GPHN: variants seen among roughly 807,000 people sequenced by gnomAD.
GPHN encodes gephyrin.
A neutral mutation model predicts 95.5 loss-of-function variants in GPHN; 17 were observed. The ratio of observed to expected loss-of-function variants is 0.18; its 90% CI spans 0.12 to 0.27. The LOEUF is 0.27. GPHN is among the 10% of genes least tolerant of loss of function. GPHN has a pLI of 1.00. For synonymous variants in GPHN, 320 were observed against 322.5 expected, an observed-to-expected ratio of 0.99 and a Z score of 0.08; for missense variants, 660 against 978.1, an observed-to-expected ratio of 0.67 and a Z score of 4.34.
At chr14:66,643,278 A>G (rs1317212965) in intron 1 of GPHN, among the ~76,000 whole-genome samples, 1 of 152,090 alleles carries the variant, frequency 6.6e-6, no homozygotes, top group African/African-American at 2.4e-5. Context: ...GAAGTTGTAT[A>G]GTTGGATATC....
At chr14:66,918,261 G>A (rs1292671491) in intron 6 of GPHN, among the ~76,000 whole-genome samples, 1 of 152,170 alleles carries the variant, frequency 6.6e-6, no homozygotes, top group Admixed American at 6.5e-5. Context: ...GCGTCAATCT[G>A]TGATACCACA....
At chr14:67,723,525 G>A in the GPHN span, among the ~76,000 whole-genome samples, 3 of 152,162 alleles carry the variant, frequency 2.0e-5, no homozygotes, top group Non-Finnish European at 4.4e-5. Flanking sequence ...ATGAGCCACT[G>A]GGCTCAGCCT....
intron 10 of GPHN, among the ~76,000 whole-genome samples, chr14:67,056,093 T>C (rs1232822702): frequency 6.6e-6 from 1 of 152,212 alleles, no homozygotes; most frequent in Non-Finnish European, 1.5e-5. Context: ...TTCCACAGCA[T>C]GGAGGGGGAC....
intron 3 of GPHN, among the ~76,000 whole-genome samples, chr14:66,815,465 A>G (rs7145718): frequency 0.32 from 49,327 of 152,124 alleles, 12,736 homozygotes; most frequent in African/African-American, 0.7. Context: ...AACAGCAGAC[A>G]TCTCAGTTGA....
chr14:66,641,650 A>G (rs1566748537), intron 1 of GPHN, among the ~76,000 whole-genome samples: 1 of 148,548 alleles, frequency 6.7e-6, no homozygotes, highest in African/African-American at 2.5e-5. Flanking sequence ...GAACAAGTAG[A>G]TGACAAAAAA....
chr14:66,544,669 G>T (rs2140099211), intron 1 of GPHN, among the ~76,000 whole-genome samples: 1 of 151,930 alleles, frequency 6.6e-6, no homozygotes, highest in African/African-American at 2.4e-5. Flanking sequence ...GACAATAGTG[G>T]AGGGAAGGTC....
chr14:67,482,545 G>T, the GPHN span, among the ~76,000 whole-genome samples: 1 of 152,192 alleles, frequency 6.6e-6, no homozygotes, highest in Non-Finnish European at 1.5e-5. Flanking sequence ...CATCACTACA[G>T]TTCCATGTTC....
intron 1 of GPHN, among the ~76,000 whole-genome samples, chr14:66,546,448 G>C (rs967632812): frequency 3.9e-5 from 6 of 152,196 alleles, no homozygotes; most frequent in South Asian, 2.1e-4. Context: ...GTAGTGAGCC[G>C]AGATCACGCC....
At chr14:67,697,565 TA>T in the GPHN span, among the ~76,000 whole-genome samples, 1 of 152,314 alleles carries the variant, frequency 6.6e-6, no homozygotes, top group South Asian at 2.1e-4. Flanking sequence ...TTAATTCCCA[TA>T]ACAACTCTAA....
intron 10 of GPHN, among the ~76,000 whole-genome samples, chr14:67,044,346 A>C (rs1186223714): frequency 2.0e-5 from 3 of 152,154 alleles, no homozygotes; most frequent in African/African-American, 4.8e-5. Context: ...TCAAAAAAAA[A>C]CAAAAAATAA....
chr14:67,362,714 T>C, the GPHN span, among the ~76,000 whole-genome samples: 1 of 152,170 alleles, frequency 6.6e-6, no homozygotes, highest in Admixed American at 6.5e-5. Context: ...AGTCACCTAG[T>C]GTGACTTCGA....
intron 3 of GPHN, among the ~76,000 whole-genome samples, chr14:66,788,553 C>T (rs942325922): frequency 5.3e-5 from 8 of 152,198 alleles, no homozygotes; most frequent in African/African-American, 4.8e-5. Context: ...CATCATTTCA[C>T]ATTTGACATT....
intron 2 of GPHN, among the ~76,000 whole-genome samples, chr14:66,702,160 C>T (rs1032808290): frequency 6.6e-6 from 1 of 152,240 alleles, no homozygotes; most frequent in Non-Finnish European, 1.5e-5. Context: ...GCTTGAACCC[C>T]TAGGGGAAGG....
chr14:66,760,648 C>T (rs997150755), intron 2 of GPHN: 3 of 411,044 alleles, frequency 7.3e-6, no homozygotes, highest in Admixed American at 3.2e-5. Context: ...GTTATAAAAA[C>T]GTTAAAAAGA....
At chr14:66,862,375 A>C (rs749336613) in intron 4 of GPHN, among the ~76,000 whole-genome samples, 1 of 152,006 alleles carries the variant, frequency 6.6e-6, no homozygotes, top group Non-Finnish European at 1.5e-5. Flanking sequence ...AAAGCCTGAG[A>C]TCCAATTCCC....
At chr14:67,459,509 A>G in the GPHN span, among the ~76,000 whole-genome samples, 1 of 152,226 alleles carries the variant, frequency 6.6e-6, no homozygotes, top group Non-Finnish European at 1.5e-5. Flanking sequence ...GATAGATTAG[A>G]GACCTATTTA....
intron 11 of GPHN, among the ~76,000 whole-genome samples, chr14:67,078,861 AT>A (rs988228563): frequency 1.4e-5 from 2 of 142,202 alleles, no homozygotes; most frequent in African/African-American, 6.0e-5. Context: ...TTCTCTCCAT[AT>A]TTTTTTCCCT....
At chr14:66,738,501 T>C (rs1211703993) in intron 2 of GPHN, among the ~76,000 whole-genome samples, 5 of 152,208 alleles carry the variant, frequency 3.3e-5, no homozygotes, top group Non-Finnish European at 7.3e-5. Flanking sequence ...TTAAAACCTT[T>C]GCATTGTTGA....
At chr14:66,957,187 CTTTTTTT>C (rs1157690518) in intron 8 of GPHN, among the ~76,000 whole-genome samples, 2 of 84,828 alleles carry the variant, frequency 2.4e-5, no homozygotes, top group Admixed American at 1.5e-4. Flanking sequence ...TTCTTTCTTT[CTTTTTTT>C]TTTTTTTTTT....
Sources: gnomAD v4.1 joint callset for allele counts (sites outside exome capture counted in the v4.1 genomes callset) on GRCh38, gnomAD v4.1.1 for gene constraint, MANE v1.5 for transcripts, NCBI Gene and HGNC (gene_info 2026-07-23, HGNC 2026-07-21) for gene names.